Variants in PHAX observed in about 807,000 individuals in gnomAD.
PHAX encodes phosphorylated adapter RNA export protein.
PHAX carries 31 observed loss-of-function variants against 41.6 expected under a neutral mutation model. That is an observed-to-expected ratio of 0.75 (90% CI 0.56 to 1.01). PHAX has a LOEUF of 1.01. Ranked by LOEUF, PHAX falls within the 50% of genes least tolerant of loss-of-function variation. The pLI is 0.00. For missense variants in PHAX, 453 were observed against 472.9 expected (o/e 0.96, Z 0.39); for synonymous variants, 175 against 164.9 (o/e 1.06, Z -0.47).
At chr5:126,618,015 G>A (rs552381628) in intron 4 of PHAX, among the ~76,000 whole-genome samples, 3 of 152,054 alleles carry the variant, frequency 2.0e-5, no homozygotes, top group South Asian at 2.1e-4. Flanking sequence ...GTGCAGTGGC[G>A]CAATTTCTGT....
At chr5:126,611,303 C>T (rs1374271960) in intron 3 of PHAX, among the ~76,000 whole-genome samples, 2 of 151,628 alleles carry the variant, frequency 1.3e-5, no homozygotes, top group African/African-American at 2.4e-5. Context: ...ATCTGCCGGC[C>T]TCGGCCTCCC....
At position 126,627,099 on chromosome 5, in the gene PHAX, A is replaced by G. The variant is rs1178001785; in HGVS notation, c.*2255A>G. ...TTAAGCAAAAATGTAAAATTCAGCA[A>G]TTATAAACTGTTCCTTACAGACAGT... On this transcript the variant is annotated 3_prime_UTR_variant, in exon 5 of 5. Transcript: ENST00000297540. 1.3e-5 allele frequency: 2 copies of G among 152,232 alleles called. No homozygotes were observed. Among genetic ancestry groups the G allele is most frequent in the African/African-American group, 4.8e-5 (2 of 41,464 alleles). 9.4% of individuals were successfully genotyped at this position (152,232 alleles called of 1,614,324 possible).
intron 4 of PHAX, among the ~76,000 whole-genome samples, chr5:126,619,314 C>A (rs10050599): frequency 0.26 from 40,122 of 151,872 alleles, 6,610 homozygotes; most frequent in African/African-American, 0.45. Flanking sequence ...GTGGTGGCTC[C>A]TGTCTGTAAT....
chr5:126,606,759 C>T (rs952905872), intron 2 of PHAX, among the ~76,000 whole-genome samples: 1 of 152,062 alleles, frequency 6.6e-6, no homozygotes, highest in Non-Finnish European at 1.5e-5. Flanking sequence ...TCAATCAAAT[C>T]TCCTGCCTCA....
In PHAX at chr5:126,603,900, A is replaced by G; in HGVS notation, c.427A>G (p.Ile143Val). ...TGGTATCTTGGGAATGGAGGGCACT[A>G]TTGACAGAAGCAGACAATCCGAGAC... ...ELGILGMEGTIDRSRQSETYN... is the reference protein window; with the variant it reads ...ELGILGMEGTVDRSRQSETYN... Residue 143 changes from isoleucine to valine, a missense_variant, in exon 2 of 5, where the codon ATT becomes GTT. Physicochemically the swap from Ile to Val is conservative, Grantham distance 29. Coordinates refer to ENST00000297540, the MANE Select transcript of PHAX (RefSeq NM_032177.4). 1 of 1,612,738 alleles carries G rather than the reference A, an allele frequency of 6.2e-7. No individual in the cohort carries two copies. Among genetic ancestry groups the G allele is most frequent in the Non-Finnish European group, 8.5e-7 (1 of 1,179,582 alleles).
intron 4 of PHAX, among the ~76,000 whole-genome samples, chr5:126,623,011 A>G (rs1376594042): frequency 6.6e-6 from 1 of 151,994 alleles, no homozygotes; most frequent in Non-Finnish European, 1.5e-5. Flanking sequence ...CTGTAGTTCC[A>G]GCTACTCTAG....
intron 4 of PHAX, among the ~76,000 whole-genome samples, chr5:126,621,036 A>C (rs1329345559): frequency 6.6e-6 from 1 of 151,906 alleles, no homozygotes; most frequent in Non-Finnish European, 1.5e-5. Context: ...GCGCCTGGCC[A>C]AAAAATTCTT....
intron 3 of PHAX, among the ~76,000 whole-genome samples, chr5:126,616,596 C>G (rs898987236): frequency 6.6e-6 from 1 of 151,960 alleles, no homozygotes; most frequent in Non-Finnish European, 1.5e-5. Flanking sequence ...ATAGAATATT[C>G]ATGGTGGGTG....
At chr5:126,610,380 T>G (rs886728119) in intron 3 of PHAX, among the ~76,000 whole-genome samples, 2 of 152,086 alleles carry the variant, frequency 1.3e-5, no homozygotes, top group Non-Finnish European at 2.9e-5. Context: ...TGTAATAACA[T>G]CACAAGGGAG....
intron 1 of PHAX, among the ~76,000 whole-genome samples, chr5:126,603,064 C>A: frequency 7.6e-6 from 1 of 132,046 alleles, no homozygotes. Context: ...CCCGTCTCTA[C>A]CAAAAAATGC....
At chr5:126,620,980 C>T (rs1293158494) in intron 4 of PHAX, among the ~76,000 whole-genome samples, 2 of 152,150 alleles carry the variant, frequency 1.3e-5, no homozygotes, top group African/African-American at 4.8e-5. Context: ...AGGTGATCCA[C>T]CCTCCTCGGC....
At chr5:126,610,497 G>C (rs1415366323) in intron 3 of PHAX, among the ~76,000 whole-genome samples, 1 of 152,204 alleles carries the variant, frequency 6.6e-6, no homozygotes, top group Non-Finnish European at 1.5e-5. Context: ...AGTCAAAACA[G>C]AAGTTAGCAA....
In PHAX at chr5:126,625,821, C is replaced by T. The variant is rs1752340103; in HGVS notation, c.*977C>T. ...GGTTCAAGCGATCATGTGCCTAAGC[C>T]TCCTGAGTAGCTGGGATCACAGGTG... On this transcript the variant is annotated 3_prime_UTR_variant, in exon 5 of 5. Transcript: ENST00000297540. The T allele has an allele frequency of 6.6e-6, 1 of 151,870 alleles. No individual in the cohort carries two copies. Among genetic ancestry groups the T allele is most frequent in the Non-Finnish European group, 1.5e-5 (1 of 68,024 alleles). 9.4% of individuals were successfully genotyped at this position (151,870 alleles called of 1,614,324 possible). A position where few individuals can be genotyped will look rare whatever the true frequency, so the allele number is the denominator to read the frequency against.
At chr5:126,601,161 C>T in intron 1 of PHAX, 103 bp downstream of exon 1, 3 of 802,412 alleles carry the variant, frequency 3.7e-6, no homozygotes, top group South Asian at 1.5e-5. Flanking sequence ...AGCTAGGAGC[C>T]CGGGCCAGAG....
intron 4 of PHAX, among the ~76,000 whole-genome samples, chr5:126,624,008 G>GTTTTTTTT (rs543154844): frequency 6.9e-4 from 90 of 130,182 alleles, no homozygotes; most frequent in African/African-American, 2.4e-3. Flanking sequence ...TTGGTTTTGG[G>GTTTTTTTT]TTTTTTTTTT....
Position 126,608,399 on chromosome 5 carries a change from T to C in PHAX, c.746T>C (p.Val249Ala), listed in dbSNP as rs766027172. The C allele has an allele frequency of 2.5e-6, 4 of 1,613,536 alleles. No homozygotes were observed. The South Asian group carries it at 4.4e-5, about 18-fold the overall frequency. ...QEPKKDLIAR[V>A]VRIIGNKKAI... ...CCAAAGAAAGACCTGATAGCCCGAG[T>C]AGTGAGGATTATTGGTAACAAAAAG... Residue 249 changes from valine (V) to alanine (A), a missense_variant, in exon 3 of 5, where the codon GTA becomes GCA. Coordinates refer to ENST00000297540, the MANE Select transcript of PHAX (RefSeq NM_032177.4).
chr5:126,608,590 T>G, intron 3 of PHAX, 106 bp downstream of exon 3: 26 of 839,462 alleles, frequency 3.1e-5, no homozygotes, highest in East Asian at 1.0e-4. Context: ...TATCATGCAT[T>G]CTTACAGTAT....
Position 126,603,822 on chromosome 5 carries a change from A to G in PHAX, c.349A>G (p.Ile117Val), listed in dbSNP as rs1362515717. The change falls in exon 2 of 5, where the codon ATA (isoleucine) becomes GTA (valine). Residue 117 changes from isoleucine (I) to valine (V), a missense_variant. Ile to Val is a conservative substitution (Grantham distance 29, BLOSUM62 3). Coordinates refer to ENST00000297540, the MANE Select transcript of PHAX (RefSeq NM_032177.4). Reference sequence around the variant, plus strand: ...TGCTGGAGGAAAGAAGATTAACAACATATGGGGTGCTGTGCTGCAGGAACA... The same window carrying G: ...TGCTGGAGGAAAGAAGATTAACAACGTATGGGGTGCTGTGCTGCAGGAACA... ...PVAGGKKINNIWGAVLQEQNQ... is the reference protein window; with the variant it reads ...PVAGGKKINNVWGAVLQEQNQ... 1 of 1,614,192 alleles carries G rather than the reference A, an allele frequency of 6.2e-7. No individual in the cohort carries two copies. Among genetic ancestry groups the G allele is most frequent in the South Asian group, 1.1e-5 (1 of 91,080 alleles).
intron 4 of PHAX, among the ~76,000 whole-genome samples, 163 bp from the exon 5 acceptor site, chr5:126,624,412 A>C (rs921011124): frequency 1.3e-5 from 2 of 152,186 alleles, no homozygotes; most frequent in African/African-American, 4.8e-5. Flanking sequence ...TCAATCTTGC[A>C]ATGAGTACTT....
Sources: gnomAD v4.1 joint callset for allele counts (sites outside exome capture counted in the v4.1 genomes callset) on GRCh38, gnomAD v4.1.1 for gene constraint, MANE v1.5 for transcripts, NCBI Gene and HGNC (gene_info 2026-07-23, HGNC 2026-07-21) for gene names.